The following IL1RAPL2 variants were observed in gnomAD, a reference collection of about 807,000 sequenced individuals.
IL1RAPL2 encodes interleukin 1 receptor accessory protein like 2, also known as X-linked interleukin-1 receptor accessory protein-like 2.
In IL1RAPL2, 3 loss-of-function variants were observed where a neutral mutation model predicts 44.1. The ratio of observed to expected loss-of-function variants is 0.07; its 90% CI spans 0.03 to 0.18. The LOEUF (loss-of-function observed/expected upper bound fraction) is 0.18. IL1RAPL2 is among the 10% of genes least tolerant of loss of function. The pLI is 1.00. For synonymous variants in IL1RAPL2, 181 were observed against 178.8 expected (o/e 1.01, Z -0.10); for missense variants, 391 against 496.4 (o/e 0.79, Z 2.02).
chrX:105,126,865 CA>C (rs2032980306), intron 2 of IL1RAPL2, among the ~76,000 whole-genome samples: 2 of 110,934 alleles, frequency 1.8e-5, no homozygotes, highest in African/African-American at 6.5e-5. Context: ...ACCAGATATT[CA>C]GTATTCTTCC....
At chrX:104,601,447 T>C (rs1928881792) in intron 1 of IL1RAPL2, among the ~76,000 whole-genome samples, 1 of 111,577 alleles carries the variant, frequency 9.0e-6, no homozygotes, top group Admixed American at 9.5e-5. Flanking sequence ...TTGTTTTAGA[T>C]TCAGGGGGTA....
chrX:105,438,266 G>A (rs2035895348), intron 5 of IL1RAPL2, among the ~76,000 whole-genome samples: 1 of 111,174 alleles, frequency 9.0e-6, no homozygotes, highest in Non-Finnish European at 1.9e-5. Flanking sequence ...ACCTGGTTAA[G>A]TACCAGATAA....
intron 5 of IL1RAPL2, among the ~76,000 whole-genome samples, 184 bp downstream of exon 5, chrX:105,267,725 A>T (rs187593721): frequency 1.5e-4 from 17 of 112,114 alleles, no homozygotes; most frequent in African/African-American, 5.5e-4. Context: ...ATATGAAAAA[A>T]GAGTTTAGAG....
intron 6 of IL1RAPL2, among the ~76,000 whole-genome samples, chrX:105,705,327 C>T (rs372842624): frequency 9.0e-6 from 1 of 111,247 alleles, no homozygotes; most frequent in African/African-American, 3.3e-5. Context: ...ACAGAAAAAT[C>T]GCAGTTACTC....
At chrX:104,891,788 C>A (rs1187093419) in intron 2 of IL1RAPL2, among the ~76,000 whole-genome samples, 1 of 111,377 alleles carries the variant, frequency 9.0e-6, no homozygotes, top group Non-Finnish European at 1.9e-5. Flanking sequence ...CCCTTTATTT[C>A]TTTCTCCTGC....
Position 105,340,509 on chromosome X carries a change from C to A in IL1RAPL2, c.697+72968C>A, listed in dbSNP as rs750403330. ...ATATATATCTGGTACTTGGATACCA[C>A]TGTGACTTCGTCTCCTGTTCCTCTC... On this transcript the variant is annotated intron_variant, in intron 5 of 10. Coordinates refer to ENST00000372582, the MANE Select transcript of IL1RAPL2 (RefSeq NM_017416.2). Among the ~76,000 whole-genome samples the A allele has an allele frequency of 9.8e-5, 11 of 112,233 alleles. No individual in the cohort carries two copies. In the South Asian group the frequency reaches 4.1e-3, roughly 42 times the overall value.
In IL1RAPL2 at chrX:105,289,142, G is replaced by T. The variant is rs763688221; in HGVS notation, c.697+21601G>T. On this transcript the variant is annotated intron_variant, in intron 5 of 10. Transcript: ENST00000372582. ...GTATATAGGAATGGGCTCAGGATTT[G>T]CCATGTAGACCAGAGTTCAGACTTT... Among the ~76,000 whole-genome samples, 5 of 111,116 alleles carry T rather than the reference G, an allele frequency of 4.5e-5. No homozygotes were observed. The South Asian group carries it at 1.9e-3, about 43-fold the overall frequency.
At chrX:104,946,409 A>AAAAAAAAAAAAAAT (rs1163144267) in intron 2 of IL1RAPL2, among the ~76,000 whole-genome samples, 31 of 84,919 alleles carry the variant, frequency 3.7e-4, no homozygotes, top group Non-Finnish European at 4.9e-4. Context: ...AAAAAAAAAA[A>AAAAAAAAAAAAAAT]CTTTTTAAAA....
intron 6 of IL1RAPL2, among the ~76,000 whole-genome samples, chrX:105,578,955 C>G (rs964677953): frequency 3.6e-5 from 4 of 111,343 alleles, no homozygotes; most frequent in African/African-American, 6.5e-5. Context: ...GATGGAAACT[C>G]TAGCTACTGA....
At chrX:105,130,030 A>G (rs1396051430) in intron 2 of IL1RAPL2, among the ~76,000 whole-genome samples, 1 of 111,250 alleles carries the variant, frequency 9.0e-6, no homozygotes, top group Non-Finnish European at 1.9e-5. Flanking sequence ...TTTTCTGTAT[A>G]CTAGACACAT....
chrX:105,308,640 A>T (rs1421576391), intron 5 of IL1RAPL2, among the ~76,000 whole-genome samples: 1 of 112,234 alleles, frequency 8.9e-6, no homozygotes, highest in Non-Finnish European at 1.9e-5. Context: ...AGATCCATTC[A>T]TGTTATTGCA....
chrX:104,963,052 G>T (rs1334029107), intron 2 of IL1RAPL2, among the ~76,000 whole-genome samples: 1 of 111,853 alleles, frequency 8.9e-6, no homozygotes, highest in East Asian at 2.8e-4. Flanking sequence ...GCCTCCGCCT[G>T]ACAGAATTAA....
intron 6 of IL1RAPL2, among the ~76,000 whole-genome samples, chrX:105,561,863 A>G (rs1326143287): frequency 1.8e-5 from 2 of 112,130 alleles, no homozygotes; most frequent in African/African-American, 6.5e-5. Context: ...TTTGCATAGA[A>G]AAGGGAAATA....
intron 1 of IL1RAPL2, among the ~76,000 whole-genome samples, chrX:104,579,732 A>G (rs918206284): frequency 6.3e-5 from 7 of 111,604 alleles, no homozygotes; most frequent in African/African-American, 2.3e-4. Flanking sequence ...AAACATGCAC[A>G]TGTATCCCTG....
chrX:104,894,866 T>C (rs1266573828), intron 2 of IL1RAPL2, among the ~76,000 whole-genome samples: 1 of 112,173 alleles, frequency 8.9e-6, no homozygotes, highest in Non-Finnish European at 1.9e-5. Context: ...GGCACTCTGA[T>C]TTTTAGTATT....
At chrX:105,346,602 G>C (rs1438476492) in intron 5 of IL1RAPL2, among the ~76,000 whole-genome samples, 2 of 111,838 alleles carry the variant, frequency 1.8e-5, no homozygotes, top group Non-Finnish European at 3.8e-5. Flanking sequence ...GTCTGACTTG[G>C]AAGGCCTTGA....
At chrX:105,585,263 ATGT>A (rs2037118906) in intron 6 of IL1RAPL2, among the ~76,000 whole-genome samples, 1 of 107,881 alleles carries the variant, frequency 9.3e-6, no homozygotes. Context: ...ACTTCTTTTG[ATGT>A]TGTTGATTGT....
In IL1RAPL2 at chrX:105,435,896, G is replaced by C. The variant is rs991275791; in HGVS notation, c.698-48417G>C. On this transcript the variant is annotated intron_variant, in intron 5 of 10. Coordinates refer to ENST00000372582, the MANE Select transcript of IL1RAPL2 (RefSeq NM_017416.2). ...AACACATACCGGGGCCTGTCAGAGT[G>C]GGGGCAAGGGCAGAGAGAGCATCAG... Among the ~76,000 whole-genome samples the C allele has an allele frequency of 5.4e-5, 6 of 110,976 alleles. No homozygotes were observed. The East Asian group carries it at 1.1e-3, about 21-fold the overall frequency.
At chrX:104,765,634 C>A (rs1290721626) in intron 2 of IL1RAPL2, among the ~76,000 whole-genome samples, 1 of 111,871 alleles carries the variant, frequency 8.9e-6, no homozygotes, top group East Asian at 2.8e-4. Context: ...TATCTCTGGT[C>A]TTTGTGGGAG....
Sources: allele counts gnomAD v4.1 joint callset (sites outside exome capture counted in the v4.1 genomes callset), GRCh38; gene constraint gnomAD v4.1.1; transcripts MANE v1.5; gene names NCBI Gene and HGNC (gene_info 2026-07-23, HGNC 2026-07-21).